MSI2: variants seen among roughly 807,000 people sequenced by gnomAD.
The protein encoded by MSI2 is RNA-binding protein Musashi homolog 2.
MSI2 carries 17 observed loss-of-function variants against 45.6 expected under a neutral mutation model. The ratio of observed to expected loss-of-function variants is 0.37; its 90% CI spans 0.26 to 0.56. The LOEUF is 0.56. MSI2 is among the 20% of genes least tolerant of loss of function. The pLI is 0.77. For synonymous variants in MSI2, 156 were observed against 158.2 expected, an observed-to-expected ratio of 0.99 and a Z score of 0.11; for missense variants, 293 against 444.2, an observed-to-expected ratio of 0.66 and a Z score of 3.06.
chr17:57,338,108 G>A (rs1226231999), intron 5 of MSI2, among the ~76,000 whole-genome samples: 3 of 151,818 alleles, frequency 2.0e-5, no homozygotes, highest in Non-Finnish European at 4.4e-5. Context: ...ATTTATTTTT[G>A]AGACAGAGTC....
At chr17:57,470,549 G>A (rs2586223) in intron 6 of MSI2, among the ~76,000 whole-genome samples, 117,689 of 152,140 alleles carry the variant, frequency 0.77, 46,030 homozygotes, top group East Asian at 0.91. Flanking sequence ...AAGTGCTGGG[G>A]TTACAGGCAT....
intron 5 of MSI2, among the ~76,000 whole-genome samples, chr17:57,336,615 A>G (rs192903293): frequency 6.6e-6 from 1 of 152,342 alleles, no homozygotes; most frequent in Non-Finnish European, 1.5e-5. Context: ...ATCTGAATGC[A>G]TTTAAATAAT....
chr17:57,465,815 T>C (rs764670776), intron 6 of MSI2, among the ~76,000 whole-genome samples: 1 of 152,204 alleles, frequency 6.6e-6, no homozygotes, highest in South Asian at 2.1e-4. Context: ...ATCAGGTTTT[T>C]ATAGGCCCGA....
At chr17:57,633,143 T>C (rs1909555098) in intron 10 of MSI2, 9 of 1,022,408 alleles carry the variant, frequency 8.8e-6, no homozygotes, top group Non-Finnish European at 1.1e-5. Context: ...TTTTTTCCCC[T>C]GTAAGCAACC....
chr17:57,504,023 C>T (rs2086173091), intron 6 of MSI2, among the ~76,000 whole-genome samples: 1 of 152,196 alleles, frequency 6.6e-6, no homozygotes, highest in South Asian at 2.1e-4. Flanking sequence ...CCATGAGCCA[C>T]CGCGCCCGGC....
intron 6 of MSI2, among the ~76,000 whole-genome samples, chr17:57,429,399 TG>T: frequency 6.6e-6 from 1 of 152,100 alleles, no homozygotes; most frequent in East Asian, 1.9e-4. Flanking sequence ...GGGCAAAGGG[TG>T]ATGTTTGTAA....
chr17:57,582,393 T>A (rs1173052960), intron 7 of MSI2, among the ~76,000 whole-genome samples: 2 of 152,110 alleles, frequency 1.3e-5, no homozygotes, highest in African/African-American at 4.8e-5. Context: ...AGGACTATAA[T>A]AGGATACATT....
At chr17:57,539,641 C>T (rs567416600) in intron 7 of MSI2, among the ~76,000 whole-genome samples, 33 of 18,908 alleles carry the variant, frequency 1.7e-3, no homozygotes, top group African/African-American at 8.8e-3. Context: ...CTTTTTGTTT[C>T]CATAAACAGA....
intron 5 of MSI2, among the ~76,000 whole-genome samples, chr17:57,360,626 C>G (rs993897645): frequency 6.6e-6 from 1 of 152,244 alleles, no homozygotes; most frequent in African/African-American, 2.4e-5. Context: ...AATGTTAGAA[C>G]TAGGCTTTAT....
intron 6 of MSI2, among the ~76,000 whole-genome samples, chr17:57,480,096 T>C (rs1364886072): frequency 6.6e-6 from 1 of 152,078 alleles, no homozygotes; most frequent in Non-Finnish European, 1.5e-5. Context: ...CTCAGCCTCC[T>C]GAGTAGCTAG....
At position 57,627,010 on chromosome 17, in the gene MSI2, C is replaced by G. The variant is rs1908868263; in HGVS notation, c.653-219C>G. 5.0e-6 allele frequency: 3 copies of G among 598,316 alleles called. No individual in the cohort carries two copies. The East Asian group carries it at 8.3e-5, about 17-fold the overall frequency. 37.1% of individuals were successfully genotyped at this position (598,316 alleles called of 1,614,324 possible). ...AGTACATGGGCTTTGCGGGGTCTGGCTGCCCAAATATGGGTTAATTAGCAA... is the reference window on the plus strand; with the variant it reads ...AGTACATGGGCTTTGCGGGGTCTGGGTGCCCAAATATGGGTTAATTAGCAA... On this transcript the variant is annotated intron_variant, in intron 9 of 13. Transcript: ENST00000284073. The surrounding 1 kb of genome is among the most constrained non-coding windows in gnomAD (Gnocchi z 4.6).
chr17:57,632,510 G>A (rs1033469995), intron 10 of MSI2: 27 of 1,066,638 alleles, frequency 2.5e-5, no homozygotes, highest in African/African-American at 2.4e-4. Flanking sequence ...AGTGGGCCCC[G>A]CCTTCCCCAG....
At chr17:57,276,711 G>T (rs756474579) in intron 5 of MSI2, among the ~76,000 whole-genome samples, 2 of 152,138 alleles carry the variant, frequency 1.3e-5, no homozygotes, top group African/African-American at 4.8e-5. Context: ...GTAAGTAAAG[G>T]TCATCTCTCT....
chr17:57,285,108 CA>C (rs1909758871), intron 5 of MSI2, among the ~76,000 whole-genome samples: 1 of 152,080 alleles, frequency 6.6e-6, no homozygotes, highest in Non-Finnish European at 1.5e-5. Context: ...AAATTGTTTG[CA>C]TCCTTCCCCT....
intron 10 of MSI2, among the ~76,000 whole-genome samples, chr17:57,644,109 A>G (rs1720561874): frequency 6.6e-6 from 1 of 151,964 alleles, no homozygotes; most frequent in South Asian, 2.1e-4. Flanking sequence ...GGGGGTCCCC[A>G]TGGGAGTGAT....
chr17:57,425,336 G>GA (rs1018978080), intron 6 of MSI2, among the ~76,000 whole-genome samples: 51 of 152,216 alleles, frequency 3.4e-4, no homozygotes, highest in Admixed American at 7.2e-4. Flanking sequence ...AGACATACTA[G>GA]AAAAAATTAA....
chr17:57,409,392 A>G (rs1028373758), intron 6 of MSI2, among the ~76,000 whole-genome samples: 4 of 152,224 alleles, frequency 2.6e-5, no homozygotes, highest in Non-Finnish European at 2.9e-5. Context: ...GCAGAGATTA[A>G]ATGGCGGAGG....
At chr17:57,323,170 A>C (rs1395156281) in intron 5 of MSI2, among the ~76,000 whole-genome samples, 6 of 152,164 alleles carry the variant, frequency 3.9e-5, no homozygotes, top group African/African-American at 1.4e-4. Flanking sequence ...AGCTGACCCC[A>C]AGATTCCCAC....
At chr17:57,457,631 A>G (rs2085141056) in intron 6 of MSI2, among the ~76,000 whole-genome samples, 1 of 152,200 alleles carries the variant, frequency 6.6e-6, no homozygotes, top group African/African-American at 2.4e-5. Flanking sequence ...ACGATAATTC[A>G]TGACTATAAT....
Sources: gnomAD v4.1 joint callset for allele counts (sites outside exome capture counted in the v4.1 genomes callset) on GRCh38, gnomAD v4.1.1 for gene constraint, Gnocchi (gnomAD v3.1) non-coding constraint, MANE v1.5 for transcripts, NCBI Gene and HGNC (gene_info 2026-07-23, HGNC 2026-07-21) for gene names.